The following NARS2 variants were observed in gnomAD, a reference collection of about 807,000 sequenced individuals.
NARS2 encodes asparaginyl-tRNA synthetase.
NARS2 carries 60 observed loss-of-function variants against 62.9 expected under a neutral mutation model. The ratio of observed to expected loss-of-function variants is 0.95; its 90% CI spans 0.77 to 1.18. NARS2 has a LOEUF of 1.18. Among genes scored for constraint, NARS2 ranks in the 50% most tolerant of loss-of-function variants. The pLI, the probability that NARS2 is intolerant of heterozygous loss-of-function variation, is 0.00. For synonymous variants in NARS2, 196 were observed against 200.0 expected (o/e 0.98, Z 0.17); for missense variants, 619 against 576.4 (o/e 1.07, Z -0.76).
rs140270306 is a variant in NARS2, at chr11:78,533,839, T to C, written c.595-4903A>G. Among the ~76,000 whole-genome samples the C allele has an allele frequency of 1.7e-3, 252 of 152,322 alleles. 2 individuals are homozygous for C. Among genetic ancestry groups the C allele is most frequent in the African/African-American group, 5.7e-3 (239 of 41,580 alleles). The stretch of plus-strand genomic sequence containing the variant: ...TTCCCCTAACCCCTGGAAACCATGA[T>C]CTTTTTACTTTCTCCATAGTTTTGT... On this transcript the variant is annotated intron_variant, in intron 5 of 13. Transcript: ENST00000281038.
At chr11:78,498,962 G>A (rs1226975047) in intron 6 of NARS2, among the ~76,000 whole-genome samples, 2 of 8,912 alleles carry the variant, frequency 2.2e-4, no homozygotes, top group African/African-American at 6.4e-4. Flanking sequence ...ACACGATCTC[G>A]GCTCACTGCA....
At chr11:78,549,031 C>T (rs1855986348) in intron 5 of NARS2, among the ~76,000 whole-genome samples, 1 of 152,228 alleles carries the variant, frequency 6.6e-6, no homozygotes, top group Admixed American at 6.5e-5. Flanking sequence ...GGGCAGCATG[C>T]AGGCATTTCT....
intron 13 of NARS2, among the ~76,000 whole-genome samples, chr11:78,437,526 C>T (rs957034759): frequency 6.6e-5 from 10 of 152,168 alleles, no homozygotes; most frequent in Admixed American, 5.2e-4. Context: ...CCACTAAAGA[C>T]CACATGGCAA....
intron 6 of NARS2, among the ~76,000 whole-genome samples, chr11:78,512,020 A>G (rs2135389379): frequency 6.6e-6 from 1 of 152,338 alleles, no homozygotes; most frequent in African/African-American, 2.4e-5. Flanking sequence ...AAGGGGCACA[A>G]CAACAACGTC....
At chr11:78,541,631 G>A (rs1403745989) in intron 5 of NARS2, among the ~76,000 whole-genome samples, 2 of 152,068 alleles carry the variant, frequency 1.3e-5, no homozygotes, top group Non-Finnish European at 2.9e-5. Flanking sequence ...GATCACTTGA[G>A]TCCAGGAGTT....
intron 6 of NARS2, among the ~76,000 whole-genome samples, chr11:78,506,386 G>C (rs1040845613): frequency 9.9e-5 from 15 of 152,156 alleles, no homozygotes; most frequent in African/African-American, 1.9e-4. Context: ...AATTTTCAGA[G>C]AGCTTCATCA....
intron 6 of NARS2, among the ~76,000 whole-genome samples, chr11:78,520,047 T>A (rs991997900): frequency 5.9e-5 from 9 of 152,018 alleles, no homozygotes; most frequent in African/African-American, 1.7e-4. Context: ...CTAATATTTT[T>A]AAAATATTTT....
At chr11:78,485,111 C>T (rs1859515131) in intron 7 of NARS2, among the ~76,000 whole-genome samples, 1 of 152,174 alleles carries the variant, frequency 6.6e-6, no homozygotes. Flanking sequence ...TGGAAGCCAT[C>T]ATTCTAGGCA....
intron 6 of NARS2, among the ~76,000 whole-genome samples, chr11:78,524,618 G>T (rs748401520): frequency 6.6e-6 from 1 of 151,820 alleles, no homozygotes; most frequent in Non-Finnish European, 1.5e-5. Context: ...CTCTTGGAAT[G>T]AACTTACCAC....
In NARS2 at chr11:78,571,392, T is replaced by C. The variant is rs369542514; in HGVS notation, c.194A>G (p.Asn65Ser). 6.2e-7 allele frequency: 1 copy of C among 1,613,676 alleles called. No homozygotes were observed. The highest frequency in any genetic ancestry group is 8.5e-7 in the Non-Finnish European group (1 of 1,179,940). ...AAGGCTTTCCAAAGATGACCCATCATTTACATGCAGGAACAAGACTTCCTT... is the reference window on the plus strand; with the variant it reads ...AAGGCTTTCCAAAGATGACCCATCACTTACATGCAGGAACAAGACTTCCTT... ...SQKEVLFLHVNDGSSLESLQV... is the reference protein window; with the variant it reads ...SQKEVLFLHVSDGSSLESLQV... The change falls in exon 2 of 14, where the codon AAT (asparagine) becomes AGT (serine). Residue 65 changes from asparagine (N) to serine (S), a missense_variant. Physicochemically the swap from Asn to Ser is conservative, Grantham distance 46. Coordinates refer to ENST00000281038, the MANE Select transcript of NARS2 (RefSeq NM_024678.6).
intron 6 of NARS2, among the ~76,000 whole-genome samples, chr11:78,518,518 A>G (rs187053178): frequency 1.1e-3 from 169 of 152,022 alleles, no homozygotes; most frequent in East Asian, 3.9e-4. Context: ...AAAAACAAAC[A>G]ATTTCTTTTT....
At chr11:78,519,429 T>C (rs973395537) in intron 6 of NARS2, among the ~76,000 whole-genome samples, 3 of 152,160 alleles carry the variant, frequency 2.0e-5, no homozygotes, top group Non-Finnish European at 4.4e-5. Flanking sequence ...AAAATAAACT[T>C]GAGGAAGAAA....
chr11:78,523,234 T>C (rs1244162720), intron 6 of NARS2, among the ~76,000 whole-genome samples: 2 of 152,166 alleles, frequency 1.3e-5, no homozygotes, highest in African/African-American at 4.8e-5. Flanking sequence ...AACCCATCAT[T>C]AGTAGTCAGG....
intron 5 of NARS2, among the ~76,000 whole-genome samples, chr11:78,538,041 A>C (rs1355322206): frequency 6.6e-6 from 1 of 152,186 alleles, no homozygotes; most frequent in Non-Finnish European, 1.5e-5. Context: ...ATGAAATCTC[A>C]GGCTGTCCCA....
At chr11:78,437,989 G>A (rs201039989) in intron 13 of NARS2, among the ~76,000 whole-genome samples, 131 of 70,260 alleles carry the variant, frequency 1.9e-3, no homozygotes, top group Middle Eastern at 0.015. Flanking sequence ...AAAAAAAAAA[G>A]AAAGAAAAAA....
intron 9 of NARS2, among the ~76,000 whole-genome samples, chr11:78,473,682 A>AT (rs1164483734): frequency 2.0e-5 from 3 of 152,198 alleles, no homozygotes; most frequent in Non-Finnish European, 4.4e-5. Context: ...AATGAAGACT[A>AT]TTTCTGTTTT....
At chr11:78,494,469 C>T (rs374239140) in intron 6 of NARS2, among the ~76,000 whole-genome samples, 45 of 133,148 alleles carry the variant, frequency 3.4e-4, no homozygotes, top group Middle Eastern at 3.8e-3. Flanking sequence ...TTTTCTTTTT[C>T]TTTTTTTTTT....
At chr11:78,544,297 T>C (rs1034665088) in intron 5 of NARS2, among the ~76,000 whole-genome samples, 1 of 152,198 alleles carries the variant, frequency 6.6e-6, no homozygotes, top group Non-Finnish European at 1.5e-5. Context: ...AAGTCCTTTT[T>C]AGAGGGAATG....
In NARS2 at chr11:78,502,949, ACACCGCTG is replaced by A. The variant is rs1471014441; in HGVS notation, c.690-9762_690-9755del. On this transcript the variant is annotated intron_variant, in intron 6 of 13. Coordinates refer to ENST00000281038, the MANE Select transcript of NARS2 (RefSeq NM_024678.6). The stretch of plus-strand genomic sequence containing the variant: ...GCGGAGGTTGCAGTGAGCCAAGATC[ACACCGCTG>A]CACTCCAGCCTGGGTAACAGAGTGA... Among the ~76,000 whole-genome samples, 7 of 132,788 alleles carry A rather than the reference ACACCGCTG, an allele frequency of 5.3e-5. 1 individual carries two copies. The highest frequency in any genetic ancestry group is 1.8e-4 in the African/African-American group (6 of 34,126). 87.1% of individuals were successfully genotyped at this position (132,788 alleles called of 152,430 possible). A position where few individuals can be genotyped will look rare whatever the true frequency, so the allele number is the denominator to read the frequency against.
Sources: gnomAD v4.1 joint callset for allele counts (sites outside exome capture counted in the v4.1 genomes callset) on GRCh38, gnomAD v4.1.1 for gene constraint, MANE v1.5 for transcripts, NCBI Gene and HGNC (gene_info 2026-07-23, HGNC 2026-07-21) for gene names.